The following RCHY1 variants were observed in gnomAD, a reference collection of about 807,000 sequenced individuals.
RCHY1 encodes the protein ring finger and CHY zinc finger domain containing 1.
A neutral mutation model predicts 41.6 loss-of-function variants in RCHY1; 21 were observed. The observed-to-expected ratio is 0.51, with a 90% CI of 0.36 to 0.73. The LOEUF is 0.73. RCHY1 is among the 30% of genes least tolerant of loss of function. The probability of loss-of-function intolerance (pLI) is 0.00; values close to 1 mark genes in which losing one functional copy is unlikely to be tolerated. For synonymous variants in RCHY1, 79 were observed against 102.9 expected (o/e 0.77, Z 1.41); for missense variants, 265 against 325.3 (o/e 0.81, Z 1.43).
Position 75,509,282 on chromosome 4 carries a change from G to A in RCHY1, c.105C>T (p.Asp35=), listed in dbSNP as rs1260358145. 1.2e-6 allele frequency: 2 copies of A among 1,612,870 alleles called. No homozygotes were observed. The highest frequency in any genetic ancestry group is 4.5e-5 in the East Asian group (2 of 44,840). The change falls in exon 2 of 9, where the codon GAC becomes GAT. Residue 35 remains aspartate (D), a synonymous_variant. Coordinates refer to ENST00000324439, the MANE Select transcript of RCHY1 (RefSeq NM_015436.4). ...RGCLLKAPCC[D]KLYTCRLCHD... The stretch of plus-strand genomic sequence containing the variant: ...GACACAAGCGGCAAGTATAAAGCTT[G>A]TCACAGCAAGGTGCCTAACACCCAC...
In RCHY1 at chr4:75,487,769, CATATATATATTCATA is replaced by C. The variant is rs1381431818; in HGVS notation, c.657+2797_657+2811del. On this transcript the variant is annotated intron_variant, in intron 8 of 8. Transcript: ENST00000324439. ...TATATATATTCATAATATATATATT[CATATATATATTCATA>C]ATATATATATTCATATATATATTCA... Among the ~76,000 whole-genome samples, 88 of 60,456 alleles carry C rather than the reference CATATATATATTCATA, an allele frequency of 1.5e-3. 12 individuals carry two copies. The East Asian group carries it at 0.028, about 19-fold the overall frequency. 39.7% of individuals were successfully genotyped at this position (60,456 alleles called of 152,430 possible).
At chr4:75,499,336 T>G (rs536993422) in intron 3 of RCHY1, among the ~76,000 whole-genome samples, 36 of 152,284 alleles carry the variant, frequency 2.4e-4, no homozygotes, top group Non-Finnish European at 5.0e-4. Flanking sequence ...GAAATATAAA[T>G]TAATACAGCC....
intron 3 of RCHY1, among the ~76,000 whole-genome samples, chr4:75,496,012 G>A (rs745945908): frequency 1.5e-4 from 23 of 152,110 alleles, no homozygotes; most frequent in East Asian, 5.8e-4. Context: ...TCCACTCTTC[G>A]TTGTCCTTCC....
At chr4:75,513,324 T>A (rs1725143531) in intron 1 of RCHY1, among the ~76,000 whole-genome samples, 1 of 152,156 alleles carries the variant, frequency 6.6e-6, no homozygotes, top group Non-Finnish European at 1.5e-5. Context: ...ACAGTCATGG[T>A]GGTATATATT....
intron 3 of RCHY1, among the ~76,000 whole-genome samples, chr4:75,500,575 C>A (rs1156728843): frequency 6.6e-6 from 1 of 152,168 alleles, no homozygotes; most frequent in East Asian, 1.9e-4. Flanking sequence ...CTATTAAACT[C>A]TGTACGAAGC....
chr4:75,494,781 TAGAC>T (rs34862587), intron 3 of RCHY1, among the ~76,000 whole-genome samples: 59,576 of 151,112 alleles, frequency 0.39, 11,849 homozygotes, highest in East Asian at 0.42. Flanking sequence ...GACCTCCAAA[TAGAC>T]AGTACCAATT....
rs1231877184 is a variant in RCHY1 at position 75,480,593 on chromosome 4, G to C, written c.*1945C>G. 1 of 152,160 alleles carries C rather than the reference G, an allele frequency of 6.6e-6. No individual in the cohort carries two copies. The highest frequency in any genetic ancestry group is 1.5e-5 in the Non-Finnish European group (1 of 68,032). 9.4% of individuals were successfully genotyped at this position (152,160 alleles called of 1,614,324 possible). Reference sequence around the variant, plus strand: ...TAATGCTAATGCATGACCCAGCACAGATGTTGAAAACAGAAGAGCCTTATT... The same window carrying C: ...TAATGCTAATGCATGACCCAGCACACATGTTGAAAACAGAAGAGCCTTATT... On this transcript the variant is annotated 3_prime_UTR_variant, in exon 9 of 9. Coordinates refer to ENST00000324439, the MANE Select transcript of RCHY1 (RefSeq NM_015436.4).
intron 3 of RCHY1, among the ~76,000 whole-genome samples, chr4:75,501,201 G>T (rs909983054): frequency 6.6e-6 from 1 of 152,124 alleles, no homozygotes; most frequent in African/African-American, 2.4e-5. Flanking sequence ...TAGAGACAGG[G>T]TTTCTCCATG....
intron 3 of RCHY1, among the ~76,000 whole-genome samples, chr4:75,504,495 C>T (rs752534973): frequency 2.0e-5 from 3 of 152,064 alleles, no homozygotes; most frequent in Non-Finnish European, 4.4e-5. Context: ...TCTAGTTTAT[C>T]CTAAGAATAT....
chr4:75,509,108 T>C (rs184900634), intron 2 of RCHY1, 69 bp downstream of exon 2: 4 of 1,433,274 alleles, frequency 2.8e-6, no homozygotes, highest in East Asian at 2.4e-5. Flanking sequence ...ATGATACTTT[T>C]GATTAAATTT....
intron 1 of RCHY1, among the ~76,000 whole-genome samples, chr4:75,510,079 T>C (rs897003089): frequency 6.6e-6 from 1 of 152,216 alleles, no homozygotes; most frequent in African/African-American, 2.4e-5. Flanking sequence ...TCATATCTAA[T>C]ATTGCACAAA....
rs1560517210 is a variant in RCHY1, at chr4:75,491,834, A to C, written c.451-52T>G. On this transcript the variant is annotated intron_variant, in intron 5 of 8. Transcript: ENST00000324439. ...TGTATGAAGACAATATAAACATCCA[A>C]GTATTTTAAATTCAAGAGCTGAGAC... 2.5e-6 allele frequency: 4 copies of C among 1,601,338 alleles called. No homozygotes were observed. In the African/African-American group the frequency reaches 4.0e-5, roughly 16 times the overall value.
In RCHY1 at chr4:75,496,421, A is replaced by AG. The variant is rs372027777; in HGVS notation, c.327-2243dup. ...AGATTCATAGGACAGAGCATCAGAT[A>AG]GGAGAGAGCTGCACAGAGAAACCTC... is the stretch of plus-strand genomic sequence containing the variant. On this transcript the variant is annotated intron_variant, in intron 3 of 8. Transcript: ENST00000324439. Among the ~76,000 whole-genome samples, 255 of 152,266 alleles carry AG rather than the reference A, an allele frequency of 1.7e-3. 1 individual carries two copies. Among genetic ancestry groups the AG allele is most frequent in the African/African-American group, 5.8e-3 (243 of 41,572 alleles).
chr4:75,495,211 T>C (rs982016730), intron 3 of RCHY1, among the ~76,000 whole-genome samples: 1 of 152,016 alleles, frequency 6.6e-6, no homozygotes, highest in Non-Finnish European at 1.5e-5. Flanking sequence ...AAGTCATCAA[T>C]ATTTTCCTGT....
rs1055467913 is a variant in RCHY1 at position 75,501,965 on chromosome 4, C to G, written c.326+6855G>C. ...TGGTGGCACATGCCTGTAATGCCAGCTACTCGGGAGGCTGAGGCAGGACTT... is the reference window on the plus strand; with the variant it reads ...TGGTGGCACATGCCTGTAATGCCAGGTACTCGGGAGGCTGAGGCAGGACTT... On this transcript the variant is annotated intron_variant, in intron 3 of 8. Coordinates refer to ENST00000324439, the MANE Select transcript of RCHY1 (RefSeq NM_015436.4). 1.6e-4 allele frequency among the ~76,000 whole-genome samples: 25 copies of G among 152,046 alleles called. No individual in the cohort carries two copies. The East Asian group carries it at 4.9e-3, about 30-fold the overall frequency.
intron 8 of RCHY1, among the ~76,000 whole-genome samples, chr4:75,485,373 C>T (rs1383694321): frequency 2.6e-5 from 4 of 152,200 alleles, no homozygotes; most frequent in Non-Finnish European, 4.4e-5. Flanking sequence ...ACTGGCTATA[C>T]TGAAGGCTAT....
chr4:75,507,225 C>T (rs556286677), intron 3 of RCHY1, among the ~76,000 whole-genome samples: 8 of 152,062 alleles, frequency 5.3e-5, no homozygotes, highest in African/African-American at 1.4e-4. Flanking sequence ...AAATATATAA[C>T]AACAATAGCA....
Position 75,508,884 on chromosome 4 carries a change from C to T in RCHY1, c.262G>A (p.Asp88Asn), listed in dbSNP as rs1311217021. The T allele has an allele frequency of 4.3e-6, 7 of 1,611,392 alleles. No homozygotes were observed. The highest frequency in any genetic ancestry group is 3.3e-5 in the South Asian group (3 of 90,462). The change falls in exon 3 of 9, where the codon GAT becomes AAT. Residue 88 changes from aspartate to asparagine, a missense_variant. By Grantham distance (23) the Asp-to-Asn change is conservative. Transcript: ENST00000324439. ...TCTTTGTCAAACAAATGGCATATAT[C>T]GCAATAATATTCTCCAAACAATGTG... ...CSTLFGEYYC[D>N]ICHLFDKDKK...
rs1488054009 is a variant in RCHY1 at position 75,481,759 on chromosome 4, T to TA, written c.*778dup. Reference sequence around the variant, plus strand: ...TGCCACATAGCAGTTGCTCAATAAATACTTGCTAAATGAAGGAATGAATGA... The same window carrying TA: ...TGCCACATAGCAGTTGCTCAATAAATAACTTGCTAAATGAAGGAATGAATGA... On this transcript the variant is annotated 3_prime_UTR_variant, in exon 9 of 9. Coordinates refer to ENST00000324439, the MANE Select transcript of RCHY1 (RefSeq NM_015436.4). 6.6e-6 allele frequency: 1 copy of TA among 152,190 alleles called. No individual in the cohort carries two copies. Among genetic ancestry groups the TA allele is most frequent in the African/African-American group, 2.4e-5 (1 of 41,448 alleles). The allele number at this position is 152,190 out of a possible 1,614,324, so 9.4% of individuals were successfully genotyped here.
Sources: allele counts gnomAD v4.1 joint callset (sites outside exome capture counted in the v4.1 genomes callset), GRCh38; gene constraint gnomAD v4.1.1; transcripts MANE v1.5; gene names NCBI Gene and HGNC (gene_info 2026-07-23, HGNC 2026-07-21).